CREM: variants seen among roughly 807,000 people sequenced by gnomAD.
CREM encodes cAMP-responsive element modulator.
Under a neutral mutation model 37.3 loss-of-function variants are expected in CREM, and 13 were observed. That is an observed-to-expected ratio of 0.35 (90% CI 0.23 to 0.55). The LOEUF (loss-of-function observed/expected upper bound fraction) is 0.55. Ranked by LOEUF, CREM falls within the 20% of genes least tolerant of loss-of-function variation. The pLI, the probability that CREM is intolerant of heterozygous loss-of-function variation, is 0.88. For synonymous variants in CREM, 124 were observed against 120.2 expected (o/e 1.03, Z -0.21); for missense variants, 296 against 362.3 (o/e 0.82, Z 1.49).
intron 1 of CREM, among the ~76,000 whole-genome samples, chr10:35,129,320 C>T (rs1334951688): frequency 6.6e-6 from 1 of 152,056 alleles, no homozygotes; most frequent in Non-Finnish European, 1.5e-5. Flanking sequence ...ACTTCTTCTT[C>T]CTGAATTTTA....
rs908993817 is a variant in CREM at position 35,212,905 on chromosome 10, A to C, written c.*1507A>C. Reference sequence around the variant, plus strand: ...GAGACTGCAATGTGATCTATGTTTCATCTTGTTTTTATAATAAAAAGCTTC... The same window carrying C: ...GAGACTGCAATGTGATCTATGTTTCCTCTTGTTTTTATAATAAAAAGCTTC... On this transcript the variant is annotated 3_prime_UTR_variant, in exon 8 of 8. Transcript: ENST00000685392. 4.6e-5 allele frequency: 7 copies of C among 152,770 alleles called. No individual in the cohort carries two copies. Among genetic ancestry groups the C allele is most frequent in the Admixed American group, 1.3e-4 (2 of 15,288 alleles). The allele number at this position is 152,770 out of a possible 1,614,324, so 9.5% of individuals were successfully genotyped here. A position where few individuals can be genotyped will look rare whatever the true frequency, so the allele number is the denominator to read the frequency against.
chr10:35,189,641 G>A (rs975171918), intron 6 of CREM, among the ~76,000 whole-genome samples: 3 of 151,832 alleles, frequency 2.0e-5, no homozygotes, highest in African/African-American at 4.8e-5. Context: ...TCAGCCTCCC[G>A]AGTAGCTGGG....
chr10:35,193,731 GATTAA>G (rs1160744573), intron 6 of CREM, among the ~76,000 whole-genome samples: 1 of 152,160 alleles, frequency 6.6e-6, no homozygotes, highest in Non-Finnish European at 1.5e-5. Context: ...ACTGGAAGAT[GATTAA>G]ATTAAATACA....
chr10:35,162,199 CAT>C (rs928215614), intron 3 of CREM, among the ~76,000 whole-genome samples: 10 of 152,280 alleles, frequency 6.6e-5, no homozygotes, highest in Non-Finnish European at 1.0e-4. Flanking sequence ...TGCTCTCACT[CAT>C]GTGTGGAGTC....
At chr10:35,165,258 G>A (rs2093493193) in intron 3 of CREM, among the ~76,000 whole-genome samples, 1 of 151,878 alleles carries the variant, frequency 6.6e-6, no homozygotes, top group Non-Finnish European at 1.5e-5. Flanking sequence ...CATGGAGAGA[G>A]AGGGAGCAAG....
At chr10:35,177,609 A>T (rs749793504) in intron 3 of CREM, among the ~76,000 whole-genome samples, 13 of 152,206 alleles carry the variant, frequency 8.5e-5, no homozygotes, top group Non-Finnish European at 1.6e-4. Context: ...GAAAGAAAGT[A>T]TTCTGTTATA....
intron 6 of CREM, among the ~76,000 whole-genome samples, chr10:35,203,934 C>T (rs1218939354): frequency 6.6e-6 from 1 of 152,124 alleles, no homozygotes; most frequent in Non-Finnish European, 1.5e-5. Context: ...CTGCATGTGT[C>T]AACCTGGTGT....
intron 6 of CREM, among the ~76,000 whole-genome samples, chr10:35,198,678 C>T (rs184917762): frequency 7.9e-5 from 12 of 152,106 alleles, no homozygotes; most frequent in South Asian, 2.1e-4. Context: ...CTGAGTCTGA[C>T]GTTGCATTCT....
intron 3 of CREM, among the ~76,000 whole-genome samples, chr10:35,156,791 T>C (rs1472909996): frequency 6.6e-6 from 1 of 152,210 alleles, no homozygotes; most frequent in Non-Finnish European, 1.5e-5. Flanking sequence ...GTAATGAATG[T>C]ATTAGGTAGA....
At chr10:35,140,394 A>G (rs1026139618) in intron 2 of CREM, among the ~76,000 whole-genome samples, 1 of 152,148 alleles carries the variant, frequency 6.6e-6, no homozygotes, top group African/African-American at 2.4e-5. Context: ...TCACAGTCAC[A>G]ACACCTCTTT....
intron 6 of CREM, among the ~76,000 whole-genome samples, chr10:35,190,681 T>C (rs1267127339): frequency 6.6e-6 from 1 of 151,994 alleles, no homozygotes; most frequent in Non-Finnish European, 1.5e-5. Flanking sequence ...TTTTTTTTTC[T>C]TGAGATGGAG....
chr10:35,188,178 T>C (rs752844521), intron 5 of CREM, 22 bp from the exon 6 acceptor site: 1 of 1,592,698 alleles, frequency 6.3e-7, no homozygotes, highest in Non-Finnish European at 8.5e-7. Flanking sequence ...TTCTCTAATA[T>C]TTCTTTTCTT....
At chr10:35,207,920 C>A (rs1268701211) in intron 7 of CREM, among the ~76,000 whole-genome samples, 1 of 152,160 alleles carries the variant, frequency 6.6e-6, no homozygotes, top group African/African-American at 2.4e-5. Flanking sequence ...GCAGGAGTTA[C>A]ATCCCTATGT....
intron 3 of CREM, among the ~76,000 whole-genome samples, chr10:35,170,727 C>T (rs1436213995): frequency 6.6e-6 from 1 of 152,098 alleles, no homozygotes; most frequent in African/African-American, 2.4e-5. Flanking sequence ...GTTTGTAATT[C>T]TGTGGGGTCG....
chr10:35,164,585 C>G (rs1057247485), intron 3 of CREM, among the ~76,000 whole-genome samples: 1 of 152,198 alleles, frequency 6.6e-6, no homozygotes, highest in African/African-American at 2.4e-5. Context: ...AAAATATAAT[C>G]TGTAACTATT....
intron 1 of CREM, among the ~76,000 whole-genome samples, chr10:35,136,541 C>CT (rs2090552807): frequency 6.6e-6 from 1 of 152,186 alleles, no homozygotes; most frequent in Non-Finnish European, 1.5e-5. Flanking sequence ...TGTCCCTATG[C>CT]TGGGGGCACA....
intron 2 of CREM, among the ~76,000 whole-genome samples, chr10:35,141,235 C>A (rs974703010): frequency 6.6e-6 from 1 of 152,168 alleles, no homozygotes; most frequent in African/African-American, 2.4e-5. Context: ...GGTAAACTCT[C>A]AATAAATGAT....
chr10:35,189,469 A>G (rs531869246), intron 6 of CREM, among the ~76,000 whole-genome samples: 7 of 152,092 alleles, frequency 4.6e-5, no homozygotes, highest in African/African-American at 1.7e-4. Context: ...ATATAGCACT[A>G]TTTTTTAAAA....
At chr10:35,134,815 A>G (rs1589225826) in intron 1 of CREM, among the ~76,000 whole-genome samples, 1 of 152,150 alleles carries the variant, frequency 6.6e-6, no homozygotes, top group African/African-American at 2.4e-5. Context: ...AGGCAGGCGG[A>G]TCACTTGAAG....
Sources: allele counts gnomAD v4.1 joint callset (sites outside exome capture counted in the v4.1 genomes callset), GRCh38; gene constraint gnomAD v4.1.1; transcripts MANE v1.5; gene names NCBI Gene and HGNC (gene_info 2026-07-23, HGNC 2026-07-21).